Variants in CEP85L observed in about 807,000 individuals in gnomAD.
CEP85L encodes centrosomal protein 85L.
In CEP85L, 60 loss-of-function variants were observed where a neutral mutation model predicts 100.3. That is an observed-to-expected ratio of 0.60 (90% CI 0.49 to 0.74). CEP85L has a LOEUF of 0.74. Among genes scored for constraint, CEP85L ranks in the 30% least tolerant of loss-of-function variants. CEP85L has a pLI of 0.00. For missense variants in CEP85L, 973 were observed against 936.2 expected, an observed-to-expected ratio of 1.04 and a Z score of -0.51; for synonymous variants, 319 against 322.7, an observed-to-expected ratio of 0.99 and a Z score of 0.12.
At position 118,469,271 on chromosome 6, in the gene CEP85L, T is replaced by C. The variant is rs770714469; in HGVS notation, c.2055A>G (p.Leu685=). Residue 685 remains leucine (L), a synonymous_variant, in exon 12 of 13, where the codon TTA becomes TTG. Coordinates refer to ENST00000368491, the MANE Select transcript of CEP85L (RefSeq NM_001042475.3). ...GGTCAGGTTCCTGGCCCTGATCCAA[T>C]AAAGAGCATGTCTCATCTGTTTGTC... ...NQRQTDETCS[L]LDQGQEPDQS... The C allele has an allele frequency of 1.9e-6, 3 of 1,613,972 alleles. No homozygotes were observed. Among genetic ancestry groups the C allele is most frequent in the East Asian group, 4.5e-5 (2 of 44,868 alleles).
intron 7 of CEP85L, among the ~76,000 whole-genome samples, chr6:118,482,508 C>T (rs900060480): frequency 6.6e-6 from 1 of 152,190 alleles, no homozygotes; most frequent in Admixed American, 6.5e-5. Flanking sequence ...CCAGGTTAAT[C>T]CATACGATAG....
intron 1 of CEP85L, among the ~76,000 whole-genome samples, chr6:118,644,799 ATC>A (rs1260648377): frequency 6.6e-6 from 1 of 152,110 alleles, no homozygotes; most frequent in African/African-American, 2.4e-5. Flanking sequence ...TCAAGCCATC[ATC>A]TCTCACCTAA....
chr6:118,707,780 G>A lies in CEP85L; in HGVS notation c.-28+2256C>T, dbSNP rs184014837. Among the ~76,000 whole-genome samples the A allele has an allele frequency of 1.4e-4, 22 of 152,124 alleles. No individual in the cohort carries two copies. The East Asian group carries it at 3.7e-3, about 25-fold the overall frequency. On this transcript the variant is annotated intron_variant, in intron 1 of 13. Coordinates refer to the CEP85L transcript ENST00000368488. ...TTATGTATTAAAATAGGCAAAATAC[G>A]TAAAACCTTAATTCACGGAACAGCA...
At position 118,595,443 on chromosome 6, in the gene CEP85L, T is replaced by C. The variant is rs527918189; in HGVS notation, c.233-29127A>G. On this transcript the variant is annotated intron_variant, in intron 2 of 12. Transcript: ENST00000368491. ...TCCTCAATGGTAAGTCTAGAATAAT[T>C]TTCTGTACTAGAATCCCTTCGCTGC... Among the ~76,000 whole-genome samples the C allele has an allele frequency of 3.9e-5, 6 of 152,316 alleles. No homozygotes were observed. In the South Asian group the frequency reaches 1.2e-3, roughly 32 times the overall value.
intron 2 of CEP85L, among the ~76,000 whole-genome samples, chr6:118,569,901 T>C (rs933542371): frequency 6.6e-6 from 1 of 152,130 alleles, no homozygotes; most frequent in African/African-American, 2.4e-5. Flanking sequence ...GCACTAATAG[T>C]AAAGATACAT....
chr6:118,494,128 A>G (rs545144273), intron 5 of CEP85L, among the ~76,000 whole-genome samples: 5 of 152,222 alleles, frequency 3.3e-5, no homozygotes, highest in Non-Finnish European at 5.9e-5. Context: ...GCAAAAACCC[A>G]TTAGTAGAAG....
intron 1 of CEP85L, among the ~76,000 whole-genome samples, chr6:118,685,384 A>G (rs916232981): frequency 3.9e-5 from 6 of 152,196 alleles, no homozygotes; most frequent in Admixed American, 2.6e-4. Flanking sequence ...TTTTCTTTAT[A>G]GAAATAATGT....
At chr6:118,566,364 G>A (rs1393842561) in intron 2 of CEP85L, 48 bp from the exon 3 acceptor site, 1 of 1,457,196 alleles carries the variant, frequency 6.9e-7, no homozygotes, top group South Asian at 1.3e-5. Flanking sequence ...ACAGACAAAA[G>A]AGAATGAGGT....
At chr6:118,597,839 T>C (rs1781533722) in intron 2 of CEP85L, among the ~76,000 whole-genome samples, 1 of 152,184 alleles carries the variant, frequency 6.6e-6, no homozygotes, top group Non-Finnish European at 1.5e-5. Context: ...GTGTGGGGCC[T>C]AGTCTGAGAA....
At chr6:118,645,760 T>C (rs1166385023) in intron 1 of CEP85L, among the ~76,000 whole-genome samples, 1 of 152,236 alleles carries the variant, frequency 6.6e-6, no homozygotes, top group East Asian at 1.9e-4. Flanking sequence ...GAACCTTATC[T>C]TTCTTGTTCA....
At chr6:118,506,891 T>C (rs1055790889) in intron 5 of CEP85L, among the ~76,000 whole-genome samples, 4 of 152,202 alleles carry the variant, frequency 2.6e-5, no homozygotes, top group Non-Finnish European at 5.9e-5. Context: ...CTTTCCTTTC[T>C]AGAACAACTC....
At chr6:118,575,698 G>T (rs1296409333) in intron 2 of CEP85L, among the ~76,000 whole-genome samples, 1 of 152,190 alleles carries the variant, frequency 6.6e-6, no homozygotes, top group East Asian at 1.9e-4. Flanking sequence ...GCTTCATCAA[G>T]GAACTCATTG....
chr6:118,517,682 A>G (rs1478260075), intron 4 of CEP85L, among the ~76,000 whole-genome samples: 1 of 152,228 alleles, frequency 6.6e-6, no homozygotes, highest in African/African-American at 2.4e-5. Flanking sequence ...GTCATCTGCA[A>G]ACAGAGACAA....
At chr6:118,542,278 G>A (rs997661411) in intron 3 of CEP85L, among the ~76,000 whole-genome samples, 1 of 152,104 alleles carries the variant, frequency 6.6e-6, no homozygotes, top group Non-Finnish European at 1.5e-5. Flanking sequence ...AACAGGTAAT[G>A]TTTTAGGGTT....
At chr6:118,693,156 G>A (rs1777102196) in intron 1 of CEP85L, among the ~76,000 whole-genome samples, 1 of 152,196 alleles carries the variant, frequency 6.6e-6, no homozygotes, top group Admixed American at 6.5e-5. Context: ...ATCTCTGTGA[G>A]ACTAAGAATG....
At chr6:118,500,204 G>C (rs1056585684) in intron 5 of CEP85L, among the ~76,000 whole-genome samples, 1 of 152,016 alleles carries the variant, frequency 6.6e-6, no homozygotes, top group Non-Finnish European at 1.5e-5. Context: ...CCACTCAGGA[G>C]GCTGAGGCAG....
intron 2 of CEP85L, among the ~76,000 whole-genome samples, chr6:118,602,199 T>A (rs577882466): frequency 6.6e-6 from 1 of 152,286 alleles, no homozygotes; most frequent in East Asian, 1.9e-4. Flanking sequence ...AGAGAGGAGC[T>A]CAGTCAGAAA....
upstream of CEP85L, among the ~76,000 whole-genome samples, chr6:118,655,585 T>A (rs1808098): frequency 0.71 from 107,094 of 151,628 alleles, 38,504 homozygotes; most frequent in Middle Eastern, 0.75. Flanking sequence ...AAATAGAAGG[T>A]TGGAAGTGTG....
chr6:118,502,789 T>C, intron 5 of CEP85L: 1 of 620,048 alleles, frequency 1.6e-6, no homozygotes, highest in South Asian at 1.6e-5. Flanking sequence ...AACAAGTAAC[T>C]CCAGGTGATA....
Sources: allele counts gnomAD v4.1 joint callset (sites outside exome capture counted in the v4.1 genomes callset), GRCh38; gene constraint gnomAD v4.1.1; transcripts MANE v1.5; gene names NCBI Gene and HGNC (gene_info 2026-07-23, HGNC 2026-07-21).